Variants in GPC5 observed in about 807,000 individuals in gnomAD.
GPC5 encodes glypican 5.
Under a neutral mutation model 53.9 loss-of-function variants are expected in GPC5, and 47 were observed. The ratio of observed to expected loss-of-function variants is 0.87; its 90% confidence interval spans 0.69 to 1.11. The LOEUF is 1.11. Among genes scored for constraint, GPC5 ranks in the 50% most tolerant of loss-of-function variants. The probability of loss-of-function intolerance (pLI) is 0.00; values close to 1 mark genes in which losing one functional copy is unlikely to be tolerated. For missense variants in GPC5, 748 were observed against 713.1 expected (o/e 1.05, Z -0.56); for synonymous variants, 286 against 263.3 (o/e 1.09, Z -0.84).
At chr13:92,033,566 C>G (rs534106900) in intron 6 of GPC5, among the ~76,000 whole-genome samples, 4 of 152,260 alleles carry the variant, frequency 2.6e-5, no homozygotes, top group Middle Eastern at 3.4e-3. Flanking sequence ...GTACATGATA[C>G]AATCAATCTA....
intron 2 of GPC5, among the ~76,000 whole-genome samples, chr13:91,558,919 G>A (rs1040338341): frequency 4.6e-5 from 7 of 151,852 alleles, no homozygotes; most frequent in African/African-American, 1.7e-4. Context: ...TCCACTATTG[G>A]TATATTTTTA....
chr13:92,623,510 T>C (rs1257341673), intron 7 of GPC5, among the ~76,000 whole-genome samples: 1 of 152,202 alleles, frequency 6.6e-6, no homozygotes, highest in African/African-American at 2.4e-5. Context: ...GATTTTTAGA[T>C]AACAAGTAAT....
At chr13:91,598,959 A>G (rs2033088340) in intron 2 of GPC5, among the ~76,000 whole-genome samples, 1 of 152,134 alleles carries the variant, frequency 6.6e-6, no homozygotes, top group Non-Finnish European at 1.5e-5. Context: ...AGTATAAAGT[A>G]TATAGTTTCA....
At chr13:91,568,005 G>A (rs180775461) in intron 2 of GPC5, among the ~76,000 whole-genome samples, 3 of 152,252 alleles carry the variant, frequency 2.0e-5, no homozygotes, top group Admixed American at 1.3e-4. Flanking sequence ...GGTTTTATAA[G>A]TGTTTGACAG....
chr13:91,645,289 T>C (rs2034531724), intron 2 of GPC5, among the ~76,000 whole-genome samples: 1 of 152,198 alleles, frequency 6.6e-6, no homozygotes, highest in African/African-American at 2.4e-5. Context: ...TTGAAACCTG[T>C]ACTTGATTTC....
intron 7 of GPC5, among the ~76,000 whole-genome samples, chr13:92,242,732 G>T (rs1786366177): frequency 6.6e-6 from 1 of 152,098 alleles, no homozygotes; most frequent in Admixed American, 6.5e-5. Flanking sequence ...ACAAAGCCAT[G>T]CATCATATAC....
intron 7 of GPC5, among the ~76,000 whole-genome samples, chr13:92,609,782 A>G (rs1205123848): frequency 6.6e-6 from 1 of 152,180 alleles, no homozygotes; most frequent in Non-Finnish European, 1.5e-5. Context: ...CTGTAATCCC[A>G]GCACTTTTGG....
At chr13:92,662,214 G>C (rs575529220) in intron 7 of GPC5, among the ~76,000 whole-genome samples, 1 of 151,946 alleles carries the variant, frequency 6.6e-6, no homozygotes, top group African/African-American at 2.4e-5. Context: ...TGTCACTTGA[G>C]CACAAAACCC....
chr13:92,098,241 A>G lies in GPC5; in HGVS notation c.1402-46589A>G, dbSNP rs1298642575. Among the ~76,000 whole-genome samples the G allele has an allele frequency of 2.0e-5, 3 of 152,092 alleles. No individual in the cohort carries two copies. The South Asian group carries it at 6.2e-4, about 32-fold the overall frequency. ...TGTTCTCATCATTCAGCTCCCACTT[A>G]TAAGTGAGAGCATGCAGTATTTGGT... On this transcript the variant is annotated intron_variant, in intron 6 of 7. Transcript: ENST00000377067.
At chr13:91,800,659 C>A (rs907611905) in intron 5 of GPC5, among the ~76,000 whole-genome samples, 5 of 152,004 alleles carry the variant, frequency 3.3e-5, no homozygotes, top group Admixed American at 1.3e-4. Context: ...TTTTAAAAGA[C>A]CTTTTAGAGG....
intron 2 of GPC5, among the ~76,000 whole-genome samples, chr13:91,551,443 A>G (rs1413796308): frequency 6.6e-6 from 1 of 152,140 alleles, no homozygotes; most frequent in East Asian, 1.9e-4. Flanking sequence ...TGGAGCTTCC[A>G]TAAAATAGAG....
chr13:91,808,251 G>A (rs1387712416), intron 5 of GPC5, among the ~76,000 whole-genome samples: 1 of 152,086 alleles, frequency 6.6e-6, no homozygotes, highest in African/African-American at 2.4e-5. Flanking sequence ...CATCACTTCA[G>A]ACATGATTGA....
Position 92,777,187 on chromosome 13 carries a change from C to A in GPC5, c.1562-89095C>A, listed in dbSNP as rs574848238. On this transcript the variant is annotated intron_variant, in intron 7 of 7. Coordinates refer to ENST00000377067, the MANE Select transcript of GPC5 (RefSeq NM_004466.6). ...TCGTCTCTACTAAAAATACAAAAAA[C>A]TAGCCGGGCATGGAGGTGCATGACT... 8.0e-5 allele frequency among the ~76,000 whole-genome samples: 12 copies of A among 150,684 alleles called. No individual in the cohort carries two copies. The South Asian group carries it at 2.5e-3, about 32-fold the overall frequency.
At chr13:91,825,925 AAACATTCTGAAAC>A (rs1435741721) in intron 5 of GPC5, among the ~76,000 whole-genome samples, 9 of 152,252 alleles carry the variant, frequency 5.9e-5, no homozygotes, top group Admixed American at 2.0e-4. Flanking sequence ...GGGAAGCTCC[AAACATTCTGAAAC>A]AACATAACAA....
At chr13:92,642,419 T>C (rs1438973072) in intron 7 of GPC5, among the ~76,000 whole-genome samples, 4 of 152,210 alleles carry the variant, frequency 2.6e-5, no homozygotes, top group African/African-American at 4.8e-5. Context: ...GAATTAATCC[T>C]ACCGTACTCA....
chr13:91,817,124 C>T (rs1440791240), intron 5 of GPC5, among the ~76,000 whole-genome samples: 2 of 152,210 alleles, frequency 1.3e-5, no homozygotes, highest in African/African-American at 2.4e-5. Context: ...GCCAGTATCA[C>T]ATACCTAGTC....
At chr13:91,819,256 T>G (rs1173581105) in intron 5 of GPC5, among the ~76,000 whole-genome samples, 2 of 143,102 alleles carry the variant, frequency 1.4e-5, no homozygotes, top group Non-Finnish European at 3.0e-5. Context: ...ACCTCCCAGG[T>G]TCAAGTGATT....
intron 2 of GPC5, among the ~76,000 whole-genome samples, chr13:91,477,680 G>A (rs552540647): frequency 6.6e-6 from 1 of 152,298 alleles, no homozygotes; most frequent in Admixed American, 6.5e-5. Context: ...GTAAAAGTGA[G>A]GCATACAAGG....
chr13:92,854,392 A>G (rs953844000), intron 7 of GPC5, among the ~76,000 whole-genome samples: 1 of 149,794 alleles, frequency 6.7e-6, no homozygotes, highest in Admixed American at 6.7e-5. Context: ...ATATATATTT[A>G]TTGATTTATT....
Sources: allele counts gnomAD v4.1 joint callset (sites outside exome capture counted in the v4.1 genomes callset), GRCh38; gene constraint gnomAD v4.1.1; transcripts MANE v1.5; gene names NCBI Gene and HGNC (gene_info 2026-07-23, HGNC 2026-07-21).